WDPCP: variants seen among roughly 807,000 people sequenced by gnomAD.
WDPCP encodes the protein WD repeat containing planar cell polarity effector, also known as WD repeat-containing and planar cell polarity effector protein fritz homolog.
In WDPCP, 71 loss-of-function variants were observed where a neutral mutation model predicts 93.1. The ratio of observed to expected loss-of-function variants is 0.76; its 90% confidence interval spans 0.63 to 0.93. The LOEUF is 0.93. Among genes scored for constraint, WDPCP ranks in the 40% least tolerant of loss-of-function variants. The pLI is 0.00. For missense variants in WDPCP, 844 were observed against 887.4 expected (o/e 0.95, Z 0.62); for synonymous variants, 315 against 315.0 (o/e 1.00, Z 0.00).
Position 63,378,510 on chromosome 2 carries a change from C to T in WDPCP, c.1625-1G>A, listed in dbSNP as rs763675856. The T allele has an allele frequency of 6.2e-7, 1 of 1,612,974 alleles. No homozygotes were observed. Among genetic ancestry groups the T allele is most frequent in the Non-Finnish European group, 8.5e-7 (1 of 1,179,284 alleles). ...GTTCCAAGGCTTGTCTCAAGCTGTG[C>T]TGTGGAATTCAAACATAGCAGCACT... On this transcript the variant is annotated splice_acceptor_variant, in intron 11 of 17. Transcript: ENST00000272321. LOFTEE classifies it high-confidence loss of function.
At chr2:63,742,795 G>C (rs1669743542) in intron 2 of WDPCP, among the ~76,000 whole-genome samples, 1 of 150,770 alleles carries the variant, frequency 6.6e-6, no homozygotes, top group Non-Finnish European at 1.5e-5. Context: ...GCAGCACCAG[G>C]GAAACTCTAT....
intron 2 of WDPCP, among the ~76,000 whole-genome samples, chr2:63,491,753 A>C (rs1207697407): frequency 1.3e-5 from 2 of 152,036 alleles, no homozygotes; most frequent in African/African-American, 4.8e-5. Flanking sequence ...CTTTACTGTC[A>C]CTCTGATGAC....
chr2:63,659,575 T>C (rs1262687336), intron 2 of WDPCP, among the ~76,000 whole-genome samples: 1 of 152,114 alleles, frequency 6.6e-6, no homozygotes, highest in Non-Finnish European at 1.5e-5. Context: ...AAAAGGCCTA[T>C]ACACACTAGA....
chr2:63,205,042 G>C (rs1034604273), intron 14 of WDPCP, among the ~76,000 whole-genome samples: 1 of 152,108 alleles, frequency 6.6e-6, no homozygotes, highest in African/African-American at 2.4e-5. Flanking sequence ...TACAGGTTTA[G>C]TTTCATTCTT....
At chr2:63,576,373 G>A (rs1003020355) in intron 1 of WDPCP, among the ~76,000 whole-genome samples, 1 of 152,124 alleles carries the variant, frequency 6.6e-6, no homozygotes, top group Non-Finnish European at 1.5e-5. Context: ...AGAACTCAGA[G>A]AAACACTTTA....
intron 1 of WDPCP, among the ~76,000 whole-genome samples, chr2:63,578,062 C>G (rs1305263358): frequency 6.6e-6 from 1 of 152,052 alleles, no homozygotes. Flanking sequence ...TAAGGAAATA[C>G]TAAATGATGC....
At chr2:63,658,227 T>G (rs955716638) in intron 2 of WDPCP, among the ~76,000 whole-genome samples, 11 of 152,204 alleles carry the variant, frequency 7.2e-5, no homozygotes, top group African/African-American at 2.7e-4. Flanking sequence ...ATGGCTTGAA[T>G]AGAGTTGCTT....
intron 11 of WDPCP, among the ~76,000 whole-genome samples, chr2:63,380,490 C>T (rs927822329): frequency 6.6e-6 from 1 of 152,220 alleles, no homozygotes; most frequent in East Asian, 1.9e-4. Context: ...CCTGTAATCC[C>T]AGCACTTTGG....
At chr2:63,722,331 TCTGCC>T (rs1669429940) in intron 2 of WDPCP, among the ~76,000 whole-genome samples, 1 of 147,260 alleles carries the variant, frequency 6.8e-6, no homozygotes, top group Non-Finnish European at 1.5e-5. Context: ...GAGGAGCGTC[TCTGCC>T]CGGCCGCCCA....
Position 63,517,002 on chromosome 2 carries a change from C to T in WDPCP, c.76-24062G>A, listed in dbSNP as rs942798922. On this transcript the variant is annotated intron_variant, in intron 1 of 17. Transcript: ENST00000272321. ...AAAAAAAGAAAAACAAAAACCTACC[C>T]TTTGAACTCTATCTCACTATCCGTC... Among the ~76,000 whole-genome samples, 17 of 152,044 alleles carry T rather than the reference C, an allele frequency of 1.1e-4. 1 individual carries two copies. Among genetic ancestry groups the T allele is most frequent in the African/African-American group, 3.6e-4 (15 of 41,406 alleles).
At chr2:63,804,133 A>G (rs991981144) in intron 2 of WDPCP, among the ~76,000 whole-genome samples, 1 of 152,004 alleles carries the variant, frequency 6.6e-6, no homozygotes, top group Non-Finnish European at 1.5e-5. Context: ...TTCCCTTCGT[A>G]TCTAGAGCAG....
At chr2:63,169,511 T>C (rs1673226599) in intron 15 of WDPCP, among the ~76,000 whole-genome samples, 1 of 152,238 alleles carries the variant, frequency 6.6e-6, no homozygotes, top group South Asian at 2.1e-4. Context: ...AGAAATATCC[T>C]AGCTATACTC....
chr2:63,176,019 T>C (rs1206537670), intron 14 of WDPCP, among the ~76,000 whole-genome samples: 4 of 152,188 alleles, frequency 2.6e-5, no homozygotes, highest in Admixed American at 6.6e-5. Flanking sequence ...GTTTTCATTG[T>C]GGTTCACCAT....
chr2:63,719,507 T>C (rs1575756900), intron 2 of WDPCP, among the ~76,000 whole-genome samples: 1 of 152,030 alleles, frequency 6.6e-6, no homozygotes, highest in Non-Finnish European at 1.5e-5. Context: ...GGCAAAACAA[T>C]CATGGTGAGA....
At chr2:63,588,536 A>T (rs1709043331), upstream of WDPCP, 2 of 592,592 alleles carry the variant, frequency 3.4e-6, no homozygotes, top group Admixed American at 2.9e-5. Flanking sequence ...TTCCGGGTCG[A>T]TCCAGCTTTA....
intron 2 of WDPCP, among the ~76,000 whole-genome samples, chr2:63,651,953 T>A (rs533548185): frequency 1.3e-4 from 20 of 152,358 alleles, no homozygotes; most frequent in Middle Eastern, 3.4e-3. Flanking sequence ...CCTGGAGCTA[T>A]AATAACTTTC....
chr2:63,800,367 C>T (rs1238985263), intron 2 of WDPCP, among the ~76,000 whole-genome samples: 1 of 152,160 alleles, frequency 6.6e-6, no homozygotes, highest in Non-Finnish European at 1.5e-5. Context: ...TCAGACCTGT[C>T]TCTCCTATTA....
At chr2:63,599,837 C>G (rs935155490) in intron 3 of WDPCP, 2 of 152,206 alleles carry the variant, frequency 1.3e-5, no homozygotes, top group Non-Finnish European at 2.9e-5. Context: ...TGCTAATTTT[C>G]TTTACTCTTA....
chr2:63,233,843 G>A (rs1679142109), intron 14 of WDPCP, among the ~76,000 whole-genome samples: 1 of 152,128 alleles, frequency 6.6e-6, no homozygotes, highest in South Asian at 2.1e-4. Context: ...GTATGAGGTT[G>A]ATCTGGTGCC....
Sources: gnomAD v4.1 joint callset for allele counts (sites outside exome capture counted in the v4.1 genomes callset) on GRCh38, gnomAD v4.1.1 for gene constraint, MANE v1.5 for transcripts, NCBI Gene and HGNC (gene_info 2026-07-23, HGNC 2026-07-21) for gene names.